The following TMPRSS12 variants were observed in gnomAD, a reference collection of about 807,000 sequenced individuals.
The protein encoded by TMPRSS12 is transmembrane serine protease 12, also known as transmembrane protease serine 12.
TMPRSS12 carries 25 observed loss-of-function variants against 26.0 expected under a neutral mutation model. The observed-to-expected ratio is 0.96, with a 90% CI of 0.70 to 1.34. The LOEUF (loss-of-function observed/expected upper bound fraction) is 1.34. Ranked by LOEUF, TMPRSS12 falls within the 40% of genes most tolerant of loss-of-function variation. The probability of loss-of-function intolerance (pLI) is 0.00; values close to 1 mark genes in which losing one functional copy is unlikely to be tolerated. For synonymous variants in TMPRSS12, 150 were observed against 161.7 expected (o/e 0.93, Z 0.55); for missense variants, 441 against 440.1 (o/e 1.00, Z -0.02).
intron 2 of TMPRSS12, among the ~76,000 whole-genome samples, chr12:50,845,441 C>T (rs1937758624): frequency 6.6e-6 from 1 of 152,162 alleles, no homozygotes; most frequent in African/African-American, 2.4e-5. Flanking sequence ...CTAGAGATGT[C>T]TAATCTACCT....
intron 2 of TMPRSS12, among the ~76,000 whole-genome samples, chr12:50,858,135 C>A (rs1403379900): frequency 6.6e-6 from 1 of 152,188 alleles, no homozygotes; most frequent in Non-Finnish European, 1.5e-5. Context: ...AGCCACTGCA[C>A]CCAGCCCTGG....
chr12:50,843,900 C>A lies in TMPRSS12; in HGVS notation c.246C>A (p.Thr82=). ...AAGGGTCTCGGATTATAGGGGGCAC[C>A]GAAGCACAAGCTGGCGCATGGCCGT... ...VLQGSRIIGG[T]EAQAGAWPWV... is the part of the protein sequence containing the mutation. The change falls in exon 2 of 5, where the codon ACC becomes ACA. Residue 82 remains threonine (T), a synonymous_variant. Coordinates refer to ENST00000398458, the MANE Select transcript of TMPRSS12 (RefSeq NM_182559.3). 1.3e-6 allele frequency: 2 copies of A among 1,574,724 alleles called. No homozygotes were observed. Among genetic ancestry groups the A allele is most frequent in the East Asian group, 2.3e-5 (1 of 43,126 alleles).
At chr12:50,860,208 T>G (rs1937921621) in intron 3 of TMPRSS12, among the ~76,000 whole-genome samples, 1 of 152,182 alleles carries the variant, frequency 6.6e-6, no homozygotes, top group South Asian at 2.1e-4. Context: ...TCATATTTAG[T>G]TTCCTTTTAA....
intron 3 of TMPRSS12, among the ~76,000 whole-genome samples, chr12:50,866,203 C>T (rs759896780): frequency 1.2e-4 from 18 of 152,244 alleles, no homozygotes; most frequent in Non-Finnish European, 2.2e-4. Flanking sequence ...ACTTGGGAGA[C>T]ACCCCAAATA....
chr12:50,872,659 G>GTA lies in TMPRSS12; in HGVS notation c.653-12583_653-12582dup, dbSNP rs1327455220. Among the ~76,000 whole-genome samples the GTA allele has an allele frequency of 1.1e-3, 80 of 69,838 alleles. 1 individual carries two copies. Among genetic ancestry groups the GTA allele is most frequent in the African/African-American group, 2.2e-3 (41 of 18,758 alleles). 45.8% of individuals were successfully genotyped at this position (69,838 alleles called of 152,430 possible). ...TATGACGTATATGTACATATATGAC[G>GTA]TATATGTACATATATATGACGTATA... On this transcript the variant is annotated intron_variant, in intron 3 of 4. Coordinates refer to ENST00000398458, the MANE Select transcript of TMPRSS12 (RefSeq NM_182559.3).
intron 3 of TMPRSS12, among the ~76,000 whole-genome samples, chr12:50,881,944 C>T (rs1281555288): frequency 2.6e-5 from 3 of 116,590 alleles, no homozygotes; most frequent in African/African-American, 6.5e-5. Context: ...GCACTCCAGC[C>T]CAGGGCGAGA....
intron 3 of TMPRSS12, among the ~76,000 whole-genome samples, chr12:50,875,801 T>C (rs887550935): frequency 3.9e-5 from 6 of 152,110 alleles, no homozygotes; most frequent in African/African-American, 1.4e-4. Flanking sequence ...ACAAGAATCC[T>C]AGAAGAAAAC....
chr12:50,846,267 C>G (rs1937765767), intron 2 of TMPRSS12, among the ~76,000 whole-genome samples: 1 of 151,994 alleles, frequency 6.6e-6, no homozygotes, highest in Non-Finnish European at 1.5e-5. Flanking sequence ...AGTTTTATAG[C>G]TTTAGCTCTT....
At chr12:50,877,855 C>A (rs1183842422) in intron 3 of TMPRSS12, among the ~76,000 whole-genome samples, 1 of 152,224 alleles carries the variant, frequency 6.6e-6, no homozygotes, top group Non-Finnish European at 1.5e-5. Context: ...AGTGATCCGC[C>A]TGCCTTGGCA....
rs57477450 is a variant in TMPRSS12, at chr12:50,867,485, A to C, written c.652+8432A>C. The stretch of plus-strand genomic sequence containing the variant: ...CAAGAAGTCTGGGATTATGTTAAAC[A>C]ACCAAACCTAAGAATAATTGGTGTT... On this transcript the variant is annotated intron_variant, in intron 3 of 4. Coordinates refer to ENST00000398458, the MANE Select transcript of TMPRSS12 (RefSeq NM_182559.3). Among the ~76,000 whole-genome samples, 333 of 152,328 alleles carry C rather than the reference A, an allele frequency of 2.2e-3. 2 individuals carry two copies. The highest frequency in any genetic ancestry group is 7.8e-3 in the African/African-American group (325 of 41,576).
chr12:50,886,620 T>A (rs923396598), intron 4 of TMPRSS12: 3 of 152,258 alleles, frequency 2.0e-5, no homozygotes, highest in Non-Finnish European at 4.4e-5. Context: ...TATCTCAGTG[T>A]CCTTGTTGTT....
At chr12:50,880,962 A>ATTTTTT (rs1443301507) in intron 3 of TMPRSS12, among the ~76,000 whole-genome samples, 3 of 99,260 alleles carry the variant, frequency 3.0e-5, no homozygotes, top group Non-Finnish European at 4.0e-5. Context: ...GGAATCAGTA[A>ATTTTTT]TTTCTTTTTT....
chr12:50,874,252 C>T (rs1345072201), intron 3 of TMPRSS12, among the ~76,000 whole-genome samples: 1 of 151,876 alleles, frequency 6.6e-6, no homozygotes, highest in Non-Finnish European at 1.5e-5. Flanking sequence ...TGACACCAAA[C>T]CAAAAACATT....
intron 2 of TMPRSS12, among the ~76,000 whole-genome samples, chr12:50,853,618 T>G (rs1194583308): frequency 1.9e-5 from 2 of 107,348 alleles, no homozygotes; most frequent in South Asian, 3.3e-4. Context: ...AGAGAGAAGA[T>G]CCAAATAAAC....
At chr12:50,855,738 A>G (rs551968299) in intron 2 of TMPRSS12, among the ~76,000 whole-genome samples, 1 of 152,356 alleles carries the variant, frequency 6.6e-6, no homozygotes, top group South Asian at 2.1e-4. Flanking sequence ...TAATTCTACC[A>G]TAAAGACACA....
At chr12:50,863,260 T>C (rs1937955544) in intron 3 of TMPRSS12, among the ~76,000 whole-genome samples, 1 of 151,716 alleles carries the variant, frequency 6.6e-6, no homozygotes, top group Non-Finnish European at 1.5e-5. Flanking sequence ...GCAGAGAAGA[T>C]TACAAGGATG....
chr12:50,848,006 G>C (rs1937789416), intron 2 of TMPRSS12: 1 of 151,822 alleles, frequency 6.6e-6, no homozygotes, highest in African/African-American at 2.4e-5. Context: ...GGACTACTTG[G>C]CCAAGTTTAG....
chr12:50,881,438 T>C (rs1481516438), intron 3 of TMPRSS12, among the ~76,000 whole-genome samples: 3 of 152,286 alleles, frequency 2.0e-5, no homozygotes, highest in Non-Finnish European at 2.9e-5. Context: ...CAATGTGTGA[T>C]ATTCATGTTA....
intron 3 of TMPRSS12, among the ~76,000 whole-genome samples, chr12:50,872,828 CAT>C (rs1491533436): frequency 1.0e-5 from 1 of 100,352 alleles, no homozygotes; most frequent in African/African-American, 3.5e-5. Context: ...TATATATGTA[CAT>C]ATATATGACG....
Sources: gnomAD v4.1 joint callset for allele counts (sites outside exome capture counted in the v4.1 genomes callset) on GRCh38, gnomAD v4.1.1 for gene constraint, MANE v1.5 for transcripts, NCBI Gene and HGNC (gene_info 2026-07-23, HGNC 2026-07-21) for gene names.